The following FMO4 variants were observed in gnomAD, a reference collection of about 807,000 sequenced individuals.
The protein encoded by FMO4 is flavin containing dimethylaniline monoxygenase 4.
FMO4 carries 38 observed loss-of-function variants against 43.3 expected under a neutral mutation model. The observed-to-expected ratio is 0.88, with a 90% confidence interval of 0.68 to 1.15. The LOEUF (loss-of-function observed/expected upper bound fraction) is 1.15, where lower values mean the gene tolerates loss of function less well. Ranked by LOEUF, FMO4 falls within the 50% of genes most tolerant of loss-of-function variation. The pLI is 0.00. For missense variants in FMO4, 631 were observed against 663.3 expected (o/e 0.95, Z 0.54); for synonymous variants, 224 against 232.2 (o/e 0.96, Z 0.32).
rs1662345888 is a variant in FMO4, at chr1:171,320,030, C to T, written c.132+73C>T. ...TCTGCTCAGACATGGTGGCTTTAGC[C>T]TGCCTTGGTGATCAAGTAAGGGAGT... On this transcript the variant is annotated intron_variant, in intron 3 of 9. Transcript: ENST00000367749. The T allele has an allele frequency of 3.8e-6, 6 of 1,559,680 alleles. No individual in the cohort carries two copies. In the Admixed American group the frequency reaches 6.8e-5, roughly 18 times the overall value.
At chr1:171,323,273 T>A in intron 4 of FMO4, 81 bp downstream of exon 4, 2 of 885,844 alleles carry the variant, frequency 2.3e-6, no homozygotes, top group Non-Finnish European at 3.5e-6. Context: ...ATGTTTAAAG[T>A]AAACTTTTTA....
intron 5 of FMO4, among the ~76,000 whole-genome samples, chr1:171,328,089 G>GCTC (rs1662740208): frequency 6.6e-6 from 1 of 152,078 alleles, no homozygotes; most frequent in African/African-American, 2.4e-5. Flanking sequence ...TCCCCAGGCT[G>GCTC]GAGTTCGATG....
chr1:171,329,883 G>A (rs1047781519), intron 5 of FMO4, among the ~76,000 whole-genome samples: 2 of 152,184 alleles, frequency 1.3e-5, no homozygotes, highest in Non-Finnish European at 2.9e-5. Context: ...TTACTGTCCA[G>A]CTTTGGGGGC....
chr1:171,316,569 G>A (rs1413939563), intron 2 of FMO4, among the ~76,000 whole-genome samples: 12 of 151,978 alleles, frequency 7.9e-5, no homozygotes, highest in Non-Finnish European at 2.9e-5. Flanking sequence ...TGCTTCAGTC[G>A]GTTGCTCAGG....
At chr1:171,340,169 G>A (rs1663311155) in intron 9 of FMO4, among the ~76,000 whole-genome samples, 1 of 152,172 alleles carries the variant, frequency 6.6e-6, no homozygotes, top group Admixed American at 6.5e-5. Flanking sequence ...AAATATTTCA[G>A]CTATCAAAAT....
At chr1:171,337,330 A>G (rs2101906221) in intron 8 of FMO4, 26 bp from the exon 9 acceptor site, 1 of 1,507,172 alleles carries the variant, frequency 6.6e-7, no homozygotes, top group South Asian at 1.1e-5. Context: ...ATGTGACTTT[A>G]GTGTTGTTTG....
chr1:171,319,573 G>T (rs1197341796), intron 2 of FMO4, among the ~76,000 whole-genome samples: 1 of 152,116 alleles, frequency 6.6e-6, no homozygotes, highest in African/African-American at 2.4e-5. Context: ...ACATTTTACA[G>T]GTGAGAAAAC....
At chr1:171,335,412 T>C (rs761010679) in intron 8 of FMO4, among the ~76,000 whole-genome samples, 2 of 152,208 alleles carry the variant, frequency 1.3e-5, no homozygotes, top group African/African-American at 2.4e-5. Context: ...AACTAACGCG[T>C]ATTAAGTGAC....
Position 171,341,819 on chromosome 1 carries a change from G to A in FMO4, c.1657G>A (p.Val553Ile), listed in dbSNP as rs1663388753. 11 of 1,612,170 alleles carry A rather than the reference G, an allele frequency of 6.8e-6. No individual in the cohort carries two copies. The highest frequency in any genetic ancestry group is 9.3e-6 in the Non-Finnish European group (11 of 1,179,058). Residue 553 changes from valine to isoleucine, a missense_variant, in exon 10 of 10, where the codon GTA becomes ATA. Val to Ile is a conservative substitution (Grantham distance 29). Transcript: ENST00000367749. ...KLQDRMSPYL[V>I]SLWRG ...ACAGGACAGAATGTCCCCTTACCTA[G>A]TAAGTCTTTGGCGAGGATGAACCTG... is the stretch of plus-strand genomic sequence containing the variant.
intron 9 of FMO4, among the ~76,000 whole-genome samples, chr1:171,338,114 A>C (rs1473782026): frequency 1.3e-5 from 2 of 152,082 alleles, no homozygotes; most frequent in African/African-American, 4.8e-5. Context: ...GTCAAAACCA[A>C]GTTCAGTCAA....
rs146261362 is a variant in FMO4, at chr1:171,340,171, T to C, written c.1251-1242T>C. 4.4e-3 allele frequency among the ~76,000 whole-genome samples: 670 copies of C among 152,354 alleles called. 2 individuals are homozygous for C. The highest frequency in any genetic ancestry group is 0.015 in the African/African-American group (631 of 41,588). Reference sequence around the variant, plus strand: ...ACAACTTATTTAAAAATATTTCAGCTATCAAAATTCTAGCTGTATGATTTG... The same window carrying C: ...ACAACTTATTTAAAAATATTTCAGCCATCAAAATTCTAGCTGTATGATTTG... On this transcript the variant is annotated intron_variant, in intron 9 of 9. Transcript: ENST00000367749.
rs185378742 is a variant in FMO4, at chr1:171,317,548, C to A, written c.-9+1221C>A. Among the ~76,000 whole-genome samples, 64 of 152,240 alleles carry A rather than the reference C, an allele frequency of 4.2e-4. 2 individuals are homozygous for A. The East Asian group carries it at 0.01, about 24-fold the overall frequency. On this transcript the variant is annotated intron_variant, in intron 2 of 9. Transcript: ENST00000367749. Reference sequence around the variant, plus strand: ...ATTAACTCAGCCCATTTGATTGAGGCAAAAGCAATGTGATATGTGCAGAAA... The same window carrying A: ...ATTAACTCAGCCCATTTGATTGAGGAAAAAGCAATGTGATATGTGCAGAAA...
Position 171,323,033 on chromosome 1 carries a change from C to G in FMO4, c.162C>G (p.Val54=), listed in dbSNP as rs1662500512. ...CTTCCAAAGATGGGATGACCAGGGT[C>G]TATAAGTCATTAGTGACAAATGTCT... The part of the protein sequence containing the change: ...TESSKDGMTR[V]YKSLVTNVCK... Residue 54 remains valine, a synonymous_variant, in exon 4 of 10, where the codon GTC becomes GTG. Transcript: ENST00000367749. The G allele has an allele frequency of 6.2e-7, 1 of 1,613,506 alleles. No individual in the cohort carries two copies. The highest frequency in any genetic ancestry group is 8.5e-7 in the Non-Finnish European group (1 of 1,179,528).
rs1663402093 is a variant in FMO4 at position 171,342,067 on chromosome 1, T to C, written c.*228T>C. ...ACCTCAGTGATTATTCTAAAATAAA[T>C]ATATATGATATGGTTTAGCTGTGTC... On this transcript the variant is annotated 3_prime_UTR_variant, in exon 10 of 10. Transcript: ENST00000367749. 4.0e-6 allele frequency: 2 copies of C among 498,830 alleles called. No homozygotes were observed. Among genetic ancestry groups the C allele is most frequent in the Non-Finnish European group, 7.1e-6 (2 of 279,730 alleles). 30.9% of individuals were successfully genotyped at this position (498,830 alleles called of 1,614,324 possible).
At chr1:171,337,236 G>A (rs1663157074) in intron 8 of FMO4, 120 bp from the exon 9 acceptor site, 2 of 744,890 alleles carry the variant, frequency 2.7e-6, no homozygotes, top group African/African-American at 3.5e-5. Flanking sequence ...TCCATTCTGA[G>A]CTTTGACTAT....
intron 9 of FMO4, among the ~76,000 whole-genome samples, chr1:171,340,434 A>G (rs1663323614): frequency 6.6e-6 from 1 of 152,184 alleles, no homozygotes. Context: ...AATTAAGTAG[A>G]ACAAAAAACC....
At chr1:171,325,607 G>A (rs763155418) in intron 5 of FMO4, among the ~76,000 whole-genome samples, 1 of 152,000 alleles carries the variant, frequency 6.6e-6, no homozygotes, top group African/African-American at 2.4e-5. Context: ...ATAAATGGTG[G>A]TTGGCTTCAG....
Position 171,332,850 on chromosome 1 carries a change from G to C in FMO4, c.769G>C (p.Glu257Gln). Reference sequence around the variant, plus strand: ...TTCACGTTTTCTAAACTGGATTCAAGAAAGGAAGTTGAATAAGAGATTTAA... The same window carrying C: ...TTCACGTTTTCTAAACTGGATTCAACAAAGGAAGTTGAATAAGAGATTTAA... ...LPSRFLNWIQ[E>Q]RKLNKRFNHE... Residue 257 changes from glutamate to glutamine, a missense_variant, in exon 7 of 10, where the codon GAA becomes CAA. Transcript: ENST00000367749. 1 of 1,605,350 alleles carries C rather than the reference G, an allele frequency of 6.2e-7. No homozygotes were observed. Among genetic ancestry groups the C allele is most frequent in the Non-Finnish European group, 8.5e-7 (1 of 1,172,116 alleles).
At chr1:171,319,491 G>C (rs55949630) in intron 2 of FMO4, among the ~76,000 whole-genome samples, 38,915 of 152,018 alleles carry the variant, frequency 0.26, 8,106 homozygotes, top group African/African-American at 0.58. Context: ...AGGGTGGGGC[G>C]TTTGCCAGGG....
Sources: gnomAD v4.1 joint callset for allele counts (sites outside exome capture counted in the v4.1 genomes callset) on GRCh38, gnomAD v4.1.1 for gene constraint, MANE v1.5 for transcripts, NCBI Gene and HGNC (gene_info 2026-07-23, HGNC 2026-07-21) for gene names.